The following B3GAT1 variants were observed in gnomAD, a reference collection of about 807,000 sequenced individuals.
The protein encoded by B3GAT1 is beta-1,3-glucuronyltransferase 1.
In B3GAT1, 11 loss-of-function variants were observed where a neutral mutation model predicts 28.4. That is an observed-to-expected ratio of 0.39 (90% CI 0.24 to 0.64). The LOEUF (loss-of-function observed/expected upper bound fraction) is 0.64. Ranked by LOEUF, B3GAT1 falls within the 30% of genes least tolerant of loss-of-function variation. The probability of loss-of-function intolerance (pLI) is 0.50; values close to 1 mark genes in which losing one functional copy is unlikely to be tolerated. For synonymous variants in B3GAT1, 255 were observed against 223.1 expected, an observed-to-expected ratio of 1.14 and a Z score of -1.27; for missense variants, 375 against 491.0, an observed-to-expected ratio of 0.76 and a Z score of 2.23.
chr11:134,397,384 G>GT (rs1161655507), intron 1 of B3GAT1, among the ~76,000 whole-genome samples: 5 of 145,964 alleles, frequency 3.4e-5, no homozygotes, highest in African/African-American at 1.3e-4. Flanking sequence ...CTCCCACCAT[G>GT]TCCCTCCTGT....
rs1189655364 is a variant in B3GAT1, at chr11:134,383,662, TG to T, written c.621+17del. The stretch of plus-strand genomic sequence containing the variant: ...CGCAGCCGGAGGTCCCGCTGCTCAC[TG>T]TCGGGCCCTCCCTCACCTCTTCGAA... On this transcript the variant is annotated intron_variant, in intron 3 of 5. Coordinates refer to ENST00000312527, the MANE Select transcript of B3GAT1 (RefSeq NM_054025.3). 1 of 1,536,136 alleles carries T rather than the reference TG, an allele frequency of 6.5e-7. No homozygotes were observed. The highest frequency in any genetic ancestry group is 1.4e-5 in the African/African-American group (1 of 72,952).
intron 2 of B3GAT1, chr11:134,385,894 C>G (rs1240693769): frequency 6.6e-6 from 1 of 152,228 alleles, no homozygotes; most frequent in Non-Finnish European, 1.5e-5. Flanking sequence ...AATGCCAAGT[C>G]CCCAGCCTCA....
At chr11:134,385,386 C>T (rs1944253473) in intron 2 of B3GAT1, 1 of 152,336 alleles carries the variant, frequency 6.6e-6, no homozygotes, top group Non-Finnish European at 1.5e-5. Flanking sequence ...TCTGAACGGA[C>T]CCAGGAGGCC....
At chr11:134,384,276 C>A in intron 2 of B3GAT1, 88 bp from the exon 3 acceptor site, 1 of 1,427,462 alleles carries the variant, frequency 7.0e-7, no homozygotes, top group East Asian at 2.5e-5. Context: ...CCTGCCAGGG[C>A]ACCCTCCTCC....
At chr11:134,390,379 C>T (rs1396340728) in intron 1 of B3GAT1, 1 of 152,324 alleles carries the variant, frequency 6.6e-6, no homozygotes, top group East Asian at 1.9e-4. Context: ...CTGGGCCTGG[C>T]TGGGGCTTCA....
At chr11:134,400,850 A>C (rs1173485079) in intron 1 of B3GAT1, among the ~76,000 whole-genome samples, 2 of 152,234 alleles carry the variant, frequency 1.3e-5, no homozygotes, top group Non-Finnish European at 2.9e-5. Context: ...ATCTGCATCC[A>C]ACAAAGGTCT....
intron 3 of B3GAT1, 126 bp from the exon 4 acceptor site, chr11:134,383,132 G>A: frequency 1.8e-6 from 2 of 1,088,796 alleles, no homozygotes; most frequent in East Asian, 2.6e-5. Context: ...GCCACCTAGG[G>A]GGTGTCCAGT....
At chr11:134,389,442 T>G (rs1279629602) in intron 1 of B3GAT1, 1 of 152,246 alleles carries the variant, frequency 6.6e-6, no homozygotes, top group African/African-American at 2.4e-5. Context: ...AATGAGCCAC[T>G]GGGATTCCTC....
rs375922374 is a variant in B3GAT1, at chr11:134,404,583, G to C, written c.-282+7224C>G. 5.9e-5 allele frequency among the ~76,000 whole-genome samples: 9 copies of C among 152,314 alleles called. No homozygotes were observed. In the East Asian group the frequency reaches 1.7e-3, roughly 29 times the overall value. ...ATTCACGGCTGGGTTGGGTGTCTGT[G>C]TGTGATCTCAAGCATGCACCTTCCT... On this transcript the variant is annotated intron_variant, in intron 1 of 5. Coordinates refer to ENST00000312527, the MANE Select transcript of B3GAT1 (RefSeq NM_054025.3).
In B3GAT1 at chr11:134,393,879, G is replaced by A. The variant is rs1451012059; in HGVS notation, c.-281-5939C>T. Among the ~76,000 whole-genome samples, 1 of 152,210 alleles carries A rather than the reference G, an allele frequency of 6.6e-6. No homozygotes were observed. The highest frequency in any genetic ancestry group is 1.5e-5 in the Non-Finnish European group (1 of 68,034). Reference sequence around the variant, plus strand: ...ACCCAGGAACCCCAGTGCCCCCAAAGAGAGGGAGGGACAGGCTTTGTCCCA... The same window carrying A: ...ACCCAGGAACCCCAGTGCCCCCAAAAAGAGGGAGGGACAGGCTTTGTCCCA... On this transcript the variant is annotated intron_variant, in intron 1 of 5. Transcript: ENST00000312527. This position sits in a 1 kb window ranked among gnomAD's most constrained non-coding sequence, Gnocchi z 4.0.
chr11:134,397,817 G>A (rs1944533299), intron 1 of B3GAT1, among the ~76,000 whole-genome samples: 1 of 152,134 alleles, frequency 6.6e-6, no homozygotes, highest in Admixed American at 6.5e-5. Flanking sequence ...GCCAGGACTT[G>A]GCCAGGGTAC....
At position 134,379,501 on chromosome 11, in the gene B3GAT1, C is replaced by G. The variant is rs1944080802; in HGVS notation, c.*1261G>C. On this transcript the variant is annotated 3_prime_UTR_variant, in exon 6 of 6. Coordinates refer to ENST00000312527, the MANE Select transcript of B3GAT1 (RefSeq NM_054025.3). ...GGGCAGGAGTTTGAGGCACACTGTT[C>G]TTTCTCCAGGATGGAAAGTGGACAG... is the stretch of plus-strand genomic sequence containing the variant. The G allele has an allele frequency of 6.6e-6, 1 of 152,486 alleles. No individual in the cohort carries two copies. Among genetic ancestry groups the G allele is most frequent in the South Asian group, 2.1e-4 (1 of 4,832 alleles). 9.4% of individuals were successfully genotyped at this position (152,486 alleles called of 1,614,324 possible). A position where few individuals can be genotyped will look rare whatever the true frequency, so the allele number is the denominator to read the frequency against.
At chr11:134,398,382 C>T (rs1944545609) in intron 1 of B3GAT1, among the ~76,000 whole-genome samples, 1 of 152,148 alleles carries the variant, frequency 6.6e-6, no homozygotes, top group African/African-American at 2.4e-5. Flanking sequence ...TGGGGTGAGG[C>T]CAAGAGGCCA....
intron 1 of B3GAT1, among the ~76,000 whole-genome samples, chr11:134,403,813 T>C (rs1251945521): frequency 6.6e-6 from 1 of 151,640 alleles, no homozygotes; most frequent in African/African-American, 2.4e-5. Context: ...TTGAGGACAC[T>C]ATGCTAAGTG....
At chr11:134,410,843 C>G (rs1398915625) in intron 1 of B3GAT1, among the ~76,000 whole-genome samples, 1 of 152,222 alleles carries the variant, frequency 6.6e-6, no homozygotes, top group South Asian at 2.1e-4. Flanking sequence ...TTCAACAGTG[C>G]GTGCTACACA....
intron 1 of B3GAT1, among the ~76,000 whole-genome samples, chr11:134,398,767 G>A (rs1241934651): frequency 6.6e-6 from 1 of 152,088 alleles, no homozygotes; most frequent in Admixed American, 6.5e-5. Flanking sequence ...GCTGGCCCCC[G>A]GCCTCTGGGG....
chr11:134,390,782 C>T (rs1169431399), intron 1 of B3GAT1: 6 of 152,282 alleles, frequency 3.9e-5, no homozygotes, highest in African/African-American at 1.2e-4. Flanking sequence ...GAATTGAGTC[C>T]AGGCCATCTG....
intron 5 of B3GAT1, 46 bp downstream of exon 5, chr11:134,381,878 G>A (rs1449431805): frequency 6.8e-7 from 1 of 1,475,404 alleles, no homozygotes; most frequent in African/African-American, 1.4e-5. Context: ...GGCCCAACCT[G>A]GTGCCGCCCT....
chr11:134,382,155 C>A, intron 4 of B3GAT1, 131 bp from the exon 5 acceptor site: 2 of 709,494 alleles, frequency 2.8e-6, no homozygotes, highest in South Asian at 1.8e-5. Flanking sequence ...TTCAATTGTT[C>A]CATCAAGATT....
Sources: allele counts gnomAD v4.1 joint callset (sites outside exome capture counted in the v4.1 genomes callset), GRCh38; gene constraint gnomAD v4.1.1; non-coding constraint Gnocchi (gnomAD v3.1); transcripts MANE v1.5; gene names NCBI Gene and HGNC (gene_info 2026-07-23, HGNC 2026-07-21).